Variants in CELF2 observed in about 807,000 individuals in gnomAD.
CELF2 encodes CUGBP Elav-like family member 2.
A neutral mutation model predicts 62.6 loss-of-function variants in CELF2; 8 were observed. That is an observed-to-expected ratio of 0.13 (90% confidence interval 0.07 to 0.23). The LOEUF is 0.23. Among genes scored for constraint, CELF2 ranks in the 10% least tolerant of loss-of-function variants. The probability of loss-of-function intolerance (pLI) is 1.00; values close to 1 mark genes in which losing one functional copy is unlikely to be tolerated. For synonymous variants in CELF2, 258 were observed against 250.0 expected (o/e 1.03, Z -0.30); for missense variants, 333 against 671.0 (o/e 0.50, Z 5.56).
chr10:10,938,407 G>A lies in CELF2; in HGVS notation c.89+18408G>A, dbSNP rs1378287066. Among the ~76,000 whole-genome samples the A allele has an allele frequency of 1.3e-5, 2 of 152,196 alleles. No homozygotes were observed. Among genetic ancestry groups the A allele is most frequent in the Admixed American group, 1.3e-4 (2 of 15,282 alleles). Reference sequence around the variant, plus strand: ...GAGCATTGTATTTTGGGCATCAGATGATAATTCTTTCAGAGAATATGCCTG... The same window carrying A: ...GAGCATTGTATTTTGGGCATCAGATAATAATTCTTTCAGAGAATATGCCTG... On this transcript the variant is annotated intron_variant, in intron 2 of 13. Coordinates refer to the CELF2 transcript ENST00000636488. The surrounding 1 kb of genome is among the most constrained non-coding windows in gnomAD (Gnocchi z 4.2).
intron 4 of CELF2, among the ~76,000 whole-genome samples, chr10:11,254,208 CA>C (rs1321535776): frequency 2.6e-5 from 4 of 152,062 alleles, no homozygotes; most frequent in Admixed American, 2.0e-4. Context: ...ACTGGAAAAC[CA>C]AAAAAACTCA....
chr10:11,234,217 C>G (rs2070089697), intron 3 of CELF2, among the ~76,000 whole-genome samples: 2 of 152,200 alleles, frequency 1.3e-5, no homozygotes, highest in African/African-American at 2.4e-5. Flanking sequence ...CATTCCCCTC[C>G]ATGGCTGAGG....
chr10:11,252,861 C>T (rs574981695), intron 4 of CELF2, among the ~76,000 whole-genome samples: 4 of 152,260 alleles, frequency 2.6e-5, no homozygotes, highest in South Asian at 2.1e-4. Context: ...CAACAGAATC[C>T]GCCTTTTTTG....
chr10:11,132,431 A>G (rs2059761506), intron 1 of CELF2, among the ~76,000 whole-genome samples: 1 of 152,236 alleles, frequency 6.6e-6, no homozygotes. Context: ...ATCCCAGTGA[A>G]GGCTAAATTA....
rs1022190788 is a variant in CELF2 at position 11,165,097 on chromosome 10, C to T, written c.75-389C>T. ...AAATCCAGCAGACATCTAGCTCTGC[C>T]TTTCTTTCCCAGCCACAGCCAGGGT... is the stretch of plus-strand genomic sequence containing the variant. On this transcript the variant is annotated intron_variant, in intron 1 of 12. Transcript: ENST00000633077. The surrounding 1 kb of genome is among the most constrained non-coding windows in gnomAD (Gnocchi z 7.4). 9 of 1,000,650 alleles carry T rather than the reference C, an allele frequency of 9.0e-6. No homozygotes were observed. Among genetic ancestry groups the T allele is most frequent in the Non-Finnish European group, 1.1e-5 (9 of 839,150 alleles). 62.0% of individuals were successfully genotyped at this position (1,000,650 alleles called of 1,614,324 possible).
intron 1 of CELF2, among the ~76,000 whole-genome samples, chr10:11,038,351 A>G (rs961028140): frequency 6.6e-6 from 1 of 152,210 alleles, no homozygotes; most frequent in African/African-American, 2.4e-5. Context: ...GAATGCATCT[A>G]AAGTGGTTTG....
the CELF2 span, among the ~76,000 whole-genome samples, chr10:10,699,574 T>C: frequency 6.6e-6 from 1 of 152,182 alleles, no homozygotes; most frequent in Non-Finnish European, 1.5e-5. Context: ...TTTGCAGTTA[T>C]CTAGGTAGAC....
intron 1 of CELF2, among the ~76,000 whole-genome samples, chr10:11,119,877 C>G (rs1018556343): frequency 1.4e-5 from 2 of 145,372 alleles, no homozygotes; most frequent in Non-Finnish European, 3.0e-5. Flanking sequence ...CCCCCCCCGG[C>G]CCCCGCTTTT....
intron 8 of CELF2, among the ~76,000 whole-genome samples, chr10:11,286,625 C>G (rs1240193868): frequency 6.6e-6 from 1 of 152,224 alleles, no homozygotes; most frequent in East Asian, 1.9e-4. Context: ...TAAAGTAAAA[C>G]TGAAAAATGA....
intron 1 of CELF2, among the ~76,000 whole-genome samples, chr10:10,908,153 T>G (rs935137712): frequency 6.8e-6 from 1 of 148,010 alleles, no homozygotes; most frequent in Non-Finnish European, 1.5e-5. Flanking sequence ...CTCACTTTAC[T>G]CCTTTGCGGA....
At position 11,078,124 on chromosome 10, in the gene CELF2, A is replaced by T. The variant is rs190152480; in HGVS notation, c.74+59961A>T. On this transcript the variant is annotated intron_variant, in intron 1 of 12. Coordinates refer to ENST00000633077, the MANE Select transcript of CELF2 (RefSeq NM_001326342.2). ...TTTGAATGCTTTCCCTTGGAGGACA[A>T]TTCCATAGTCTAATAGATACAGATA... 1.2e-3 allele frequency among the ~76,000 whole-genome samples: 185 copies of T among 152,202 alleles called. 1 individual carries two copies. The highest frequency in any genetic ancestry group is 6.3e-3 in the Admixed American group (97 of 15,280).
chr10:11,023,699 T>C (rs944676458), intron 1 of CELF2, among the ~76,000 whole-genome samples: 2 of 152,222 alleles, frequency 1.3e-5, no homozygotes, highest in African/African-American at 4.8e-5. Flanking sequence ...TGACAGAAAG[T>C]GATTACTCCA....
rs189238268 is a variant in CELF2 at position 11,267,696 on chromosome 10, G to C, written c.618+1019G>C. ...TTTATTTTTTTGTTTGTTTGTTTTT[G>C]TTTGTTTTTTGCAATGCTGCATCTC... On this transcript the variant is annotated intron_variant, in intron 6 of 12. Coordinates refer to ENST00000633077, the MANE Select transcript of CELF2 (RefSeq NM_001326342.2). The surrounding 1 kb of genome is among the most constrained non-coding windows in gnomAD (Gnocchi z 4.4). Among the ~76,000 whole-genome samples the C allele has an allele frequency of 3.3e-5, 5 of 152,046 alleles. No homozygotes were observed. In the East Asian group the frequency reaches 9.6e-4, roughly 29 times the overall value.
In CELF2 at chr10:11,046,347, C is replaced by T. The variant is rs2062843675; in HGVS notation, c.74+28184C>T. Reference sequence around the variant, plus strand: ...GAAAATCACAGATTGCCAACTGCTGCTGGATGCAATTTGGATCTCCCTAGA... The same window carrying T: ...GAAAATCACAGATTGCCAACTGCTGTTGGATGCAATTTGGATCTCCCTAGA... On this transcript the variant is annotated intron_variant, in intron 1 of 12. Coordinates refer to ENST00000633077, the MANE Select transcript of CELF2 (RefSeq NM_001326342.2). This position sits in a 1 kb window ranked among gnomAD's most constrained non-coding sequence, Gnocchi z 4.6. Among the ~76,000 whole-genome samples, 1 of 152,194 alleles carries T rather than the reference C, an allele frequency of 6.6e-6. No individual in the cohort carries two copies. The highest frequency in any genetic ancestry group is 6.5e-5 in the Admixed American group (1 of 15,286).
chr10:10,485,830 A>G, the CELF2 span, among the ~76,000 whole-genome samples: 4 of 152,338 alleles, frequency 2.6e-5, no homozygotes, highest in East Asian at 1.9e-4. Context: ...CAACATCATT[A>G]TAATCAGGAT....
intron 1 of CELF2, among the ~76,000 whole-genome samples, chr10:11,139,025 T>C (rs1049350981): frequency 1.3e-5 from 2 of 152,216 alleles, no homozygotes; most frequent in African/African-American, 4.8e-5. Context: ...AAAGTACATA[T>C]AATGTAATTA....
intron 1 of CELF2, among the ~76,000 whole-genome samples, chr10:10,853,394 G>A (rs574300468): frequency 5.4e-4 from 82 of 152,160 alleles, no homozygotes; most frequent in Non-Finnish European, 1.0e-3. Flanking sequence ...TAGGGGGGCA[G>A]TTGGGGAGGA....
At chr10:11,182,052 C>G (rs1201089100) in intron 2 of CELF2, among the ~76,000 whole-genome samples, 2 of 152,186 alleles carry the variant, frequency 1.3e-5, no homozygotes, top group African/African-American at 4.8e-5. Context: ...AAAGCTTTGA[C>G]ATTTAAAATA....
intron 1 of CELF2, among the ~76,000 whole-genome samples, chr10:10,854,176 C>G (rs920674042): frequency 6.6e-6 from 1 of 152,168 alleles, no homozygotes; most frequent in Non-Finnish European, 1.5e-5. Flanking sequence ...CATGAGGACT[C>G]TGTGTCAACA....
Sources: allele counts gnomAD v4.1 joint callset (sites outside exome capture counted in the v4.1 genomes callset), GRCh38; gene constraint gnomAD v4.1.1; non-coding constraint Gnocchi (gnomAD v3.1); transcripts MANE v1.5; gene names NCBI Gene and HGNC (gene_info 2026-07-23, HGNC 2026-07-21).